The following TRIP12 variants were observed in gnomAD, a reference collection of about 807,000 sequenced individuals.
TRIP12 encodes E3 ubiquitin-protein ligase TRIP12.
A neutral mutation model predicts 244.2 loss-of-function variants in TRIP12; 25 were observed. The observed-to-expected ratio is 0.10, with a 90% CI of 0.07 to 0.14. The LOEUF is 0.14. Among genes scored for constraint, TRIP12 ranks in the 10% least tolerant of loss-of-function variants. The pLI is 1.00. For synonymous variants in TRIP12, 905 were observed against 873.1 expected (o/e 1.04, Z -0.64); for missense variants, 1,677 against 2,486.4 (o/e 0.67, Z 6.92).
In TRIP12 at chr2:229,788,818, A is replaced by C. The variant is rs765395999; in HGVS notation, c.4818T>G (p.Leu1606=). The change falls in exon 32 of 42, where the codon CTT becomes CTG. Residue 1606 remains leucine (L), a synonymous_variant. Transcript: ENST00000675903. The part of the protein sequence containing the change: ...VIMTGNIPTW[L]TELGKTCPFF... The stretch of plus-strand genomic sequence containing the variant: ...CTTACCAGGTTTTTCCTAGCTCAGT[A>C]AGCCATGTTGGGATGTTTCCTGTCA... 1 of 1,613,524 alleles carries C rather than the reference A, an allele frequency of 6.2e-7. No homozygotes were observed. The highest frequency in any genetic ancestry group is 8.5e-7 in the Non-Finnish European group (1 of 1,179,882).
At position 229,802,421 on chromosome 2, in the gene TRIP12, A is replaced by G. The variant is rs753249471; in HGVS notation, c.3037T>C (p.Ser1013Pro). The G allele has an allele frequency of 6.2e-7, 1 of 1,613,868 alleles. No individual in the cohort carries two copies. The highest frequency in any genetic ancestry group is 2.2e-5 in the East Asian group (1 of 44,860). The change falls in exon 21 of 42, where the codon TCT (serine) becomes CCT (proline). Residue 1013 changes from serine to proline, a missense_variant. Physicochemically the swap from Ser to Pro is moderately conservative, Grantham distance 74 (BLOSUM62 -1). This residue lies in a region of TRIP12 where 572 missense variants were observed against 867.8 expected (regional missense o/e 0.66). Coordinates refer to ENST00000675903, the MANE Select transcript of TRIP12 (RefSeq NM_001348323.3). ...GCCTTTGGTGGACTTGTCAACAAAG[A>G]CTCTGATTCTGCTAAGTGTTTTACT... Reference protein sequence around the residue: ...HQVKHLAESESLLTSPPKACT... With the variant: ...HQVKHLAESEPLLTSPPKACT...
intron 2 of TRIP12, among the ~76,000 whole-genome samples, chr2:229,873,250 G>A (rs2063003781): frequency 6.6e-6 from 1 of 152,168 alleles, no homozygotes; most frequent in East Asian, 1.9e-4. Context: ...TGAACAGGAA[G>A]TAAAAAATTA....
chr2:229,799,547 C>T (rs905270023), intron 21 of TRIP12, among the ~76,000 whole-genome samples, 164 bp from the exon 22 acceptor site: 1 of 152,116 alleles, frequency 6.6e-6, no homozygotes. Context: ...GAGGCCGAGG[C>T]GGGCAGATCA....
At chr2:229,798,093 G>A (rs1030765517) in intron 23 of TRIP12, among the ~76,000 whole-genome samples, 2 of 152,162 alleles carry the variant, frequency 1.3e-5, no homozygotes, top group African/African-American at 4.8e-5. Flanking sequence ...TTGGAACCCT[G>A]CAATATAACA....
chr2:229,881,259 C>T (rs564923483), intron 1 of TRIP12, among the ~76,000 whole-genome samples: 5 of 152,250 alleles, frequency 3.3e-5, no homozygotes, highest in South Asian at 4.2e-4. Context: ...GATAAAATAT[C>T]GAAACTCAGA....
rs567716291 is a variant in TRIP12 at position 229,821,738 on chromosome 2, T to G, written c.1451-3226A>C. ...GCCCTTGGGCAGTAGTTTGCTAATTTCTGATAGGAATGGAAACAGAAGCCT... is the reference window on the plus strand; with the variant it reads ...GCCCTTGGGCAGTAGTTTGCTAATTGCTGATAGGAATGGAAACAGAAGCCT... On this transcript the variant is annotated intron_variant, in intron 8 of 41. Transcript: ENST00000675903. 5.3e-5 allele frequency among the ~76,000 whole-genome samples: 8 copies of G among 152,278 alleles called. No homozygotes were observed. In the East Asian group the frequency reaches 1.5e-3, roughly 29 times the overall value.
At chr2:229,917,434 G>T (rs1310975709) in intron 1 of TRIP12, among the ~76,000 whole-genome samples, 2 of 93,186 alleles carry the variant, frequency 2.1e-5, no homozygotes, top group African/African-American at 4.1e-5. Context: ...CAAGCACTAA[G>T]ATTATATACA....
chr2:229,784,511 A>G (rs2154252249), intron 34 of TRIP12, among the ~76,000 whole-genome samples: 1 of 84,704 alleles, frequency 1.2e-5, no homozygotes, highest in African/African-American at 5.1e-5. Flanking sequence ...AAGCACAAAC[A>G]AGAAAAAAAA....
At chr2:229,807,521 G>A in intron 17 of TRIP12, 187 bp downstream of exon 17, 3 of 683,282 alleles carry the variant, frequency 4.4e-6, no homozygotes, top group Non-Finnish European at 5.1e-6. Context: ...GCAGAAGCAG[G>A]ACTAGAACAT....
chr2:229,905,445 G>A (rs2072469327), intron 1 of TRIP12, among the ~76,000 whole-genome samples: 1 of 152,114 alleles, frequency 6.6e-6, no homozygotes, highest in Non-Finnish European at 1.5e-5. Flanking sequence ...TGAATACCCA[G>A]CACACCACAG....
rs1215486012 is a variant in TRIP12 at position 229,842,047 on chromosome 2, CAG to C, written c.1028-1122_1028-1121del. Among the ~76,000 whole-genome samples the C allele has an allele frequency of 2.0e-5, 3 of 152,156 alleles. No individual in the cohort carries two copies. In the East Asian group the frequency reaches 5.8e-4, roughly 29 times the overall value. On this transcript the variant is annotated intron_variant, in intron 4 of 41. Coordinates refer to ENST00000675903, the MANE Select transcript of TRIP12 (RefSeq NM_001348323.3). ...TATTCAAGAATCTGCAAACATGAAA[CAG>C]AAGCTATAAAGATAAAAATCTATGT...
At chr2:229,839,399 C>T (rs1349936898) in intron 5 of TRIP12, among the ~76,000 whole-genome samples, 5 of 151,858 alleles carry the variant, frequency 3.3e-5, no homozygotes, top group African/African-American at 1.2e-4. Flanking sequence ...CATGACTGGC[C>T]GGGCACGGTG....
At chr2:229,913,644 A>G (rs1279802789) in intron 1 of TRIP12, among the ~76,000 whole-genome samples, 1 of 152,222 alleles carries the variant, frequency 6.6e-6, no homozygotes, top group Non-Finnish European at 1.5e-5. Context: ...TGAAAAATGA[A>G]AACAAGCAAG....
intron 33 of TRIP12, among the ~76,000 whole-genome samples, chr2:229,786,464 C>A (rs562969073): frequency 6.9e-6 from 1 of 143,898 alleles, no homozygotes; most frequent in Non-Finnish European, 1.5e-5. Context: ...GTGGCGCAAT[C>A]TCAGCTCACC....
chr2:229,859,235 A>T lies in TRIP12; in HGVS notation c.564T>A (p.Ser188Arg), dbSNP rs201587871. 2.0e-5 allele frequency: 33 copies of T among 1,613,334 alleles called. No homozygotes were observed. Among genetic ancestry groups the T allele is most frequent in the Non-Finnish European group, 2.7e-5 (32 of 1,179,928 alleles). ...AACTCTCTGTCCTTTTTCTTTTCTG[A>T]CTCCGTGAACCGCCAGTGGCCCCAC... ...RKSGATGGSR[S>R]QKRKRTESSC... The change falls in exon 4 of 42, where the codon AGT (serine) becomes AGA (arginine). Residue 188 changes from serine to arginine, a missense_variant. Transcript: ENST00000675903.
upstream of TRIP12, chr2:229,922,242 G>T: frequency 1.6e-5 from 7 of 438,686 alleles, no homozygotes; most frequent in Admixed American, 7.5e-5. Context: ...GGGGACTGTG[G>T]AGATCTACTT....
intron 4 of TRIP12, among the ~76,000 whole-genome samples, chr2:229,851,733 G>A (rs1283167611): frequency 1.3e-5 from 2 of 151,782 alleles, no homozygotes. Flanking sequence ...CAGACGTGCT[G>A]CCTTAAGAAC....
Position 229,768,177 on chromosome 2 carries a change from G to A in TRIP12, c.6008-427C>T, listed in dbSNP as rs533665485. Among the ~76,000 whole-genome samples, 22 of 152,232 alleles carry A rather than the reference G, an allele frequency of 1.4e-4. 1 individual carries two copies. Among genetic ancestry groups the A allele is most frequent in the South Asian group, 8.3e-4 (4 of 4,814 alleles). ...CAGGAGGCTGAAGCAGGAGGATCTC[G>A]CCTGAGCCCAGGAGGCAGAGGTTGC... On this transcript the variant is annotated intron_variant, in intron 41 of 41. Transcript: ENST00000675903.
intron 2 of TRIP12, among the ~76,000 whole-genome samples, chr2:229,878,428 C>T (rs1014453687): frequency 3.4e-5 from 5 of 146,528 alleles, no homozygotes; most frequent in African/African-American, 7.6e-5. Flanking sequence ...CCAGCCTGGG[C>T]GACAGCAACT....
Sources: gnomAD v4.1 joint callset for allele counts (sites outside exome capture counted in the v4.1 genomes callset) on GRCh38, gnomAD v4.1.1 for gene constraint, gnomAD v4.1.1 regional missense constraint, MANE v1.5 for transcripts, NCBI Gene and HGNC (gene_info 2026-07-23, HGNC 2026-07-21) for gene names.